The following CNOT10 variants were observed in gnomAD, a reference collection of about 807,000 sequenced individuals.
CNOT10 encodes the protein CCR4-NOT transcription complex subunit 10.
Under a neutral mutation model 94.6 loss-of-function variants are expected in CNOT10, and 30 were observed. The ratio of observed to expected loss-of-function variants is 0.32; its 90% CI spans 0.24 to 0.43. CNOT10 has a LOEUF of 0.43. Ranked by LOEUF, CNOT10 falls within the 20% of genes least tolerant of loss-of-function variation. The pLI is 1.00. For synonymous variants in CNOT10, 289 were observed against 301.6 expected (o/e 0.96, Z 0.43); for missense variants, 759 against 877.2 (o/e 0.87, Z 1.70).
At chr3:32,770,028 C>T in intron 18 of CNOT10, 66 bp downstream of exon 18, 2 of 1,247,036 alleles carry the variant, frequency 1.6e-6, no homozygotes, top group South Asian at 1.2e-5. Flanking sequence ...GGTTGGGAGA[C>T]AGGGTCTCAC....
intron 1 of CNOT10, among the ~76,000 whole-genome samples, chr3:32,702,521 CT>C (rs1697398881): frequency 6.6e-6 from 1 of 152,098 alleles, no homozygotes; most frequent in African/African-American, 2.4e-5. Flanking sequence ...ATTAAAGAAA[CT>C]TTTTAAATGT....
intron 1 of CNOT10, among the ~76,000 whole-genome samples, chr3:32,702,325 T>G (rs145402543): frequency 0.011 from 1,689 of 152,338 alleles, 13 homozygotes; most frequent in Middle Eastern, 0.024. Flanking sequence ...TAACACACTT[T>G]TGCTCTGAGT....
At chr3:32,693,956 G>A (rs903499154) in intron 1 of CNOT10, among the ~76,000 whole-genome samples, 1 of 152,058 alleles carries the variant, frequency 6.6e-6, no homozygotes, top group African/African-American at 2.4e-5. Flanking sequence ...GGACATTAGA[G>A]AGTACCTAAG....
chr3:32,700,218 C>T (rs1392476064), intron 1 of CNOT10, among the ~76,000 whole-genome samples: 2 of 152,010 alleles, frequency 1.3e-5, no homozygotes, highest in Admixed American at 6.6e-5. Context: ...TCAGGTGATC[C>T]GCCTGCCTCG....
At chr3:32,711,237 T>C (rs2125530088) in intron 4 of CNOT10, among the ~76,000 whole-genome samples, 1 of 152,304 alleles carries the variant, frequency 6.6e-6, no homozygotes, top group Non-Finnish European at 1.5e-5. Flanking sequence ...CCTCTTCAGA[T>C]ACCAAAATCT....
chr3:32,735,126 G>A (rs926708520), intron 12 of CNOT10, 150 bp downstream of exon 12: 1 of 681,228 alleles, frequency 1.5e-6, no homozygotes, highest in Non-Finnish European at 2.4e-6. Context: ...TTATGTTTCT[G>A]AGTCTTTCTG....
intron 1 of CNOT10, among the ~76,000 whole-genome samples, chr3:32,686,598 T>G (rs1696610768): frequency 6.6e-6 from 1 of 152,148 alleles, no homozygotes; most frequent in Non-Finnish European, 1.5e-5. Context: ...AGATGATATT[T>G]GAGCAGAGAT....
At chr3:32,743,134 C>T (rs887380733) in intron 13 of CNOT10, among the ~76,000 whole-genome samples, 6 of 151,874 alleles carry the variant, frequency 4.0e-5, no homozygotes, top group East Asian at 2.0e-4. Context: ...TACAGGCATA[C>T]GCCACCATGC....
rs558052882 is a variant in CNOT10, at chr3:32,752,978, C to T, written c.1596-6480C>T. On this transcript the variant is annotated intron_variant, in intron 13 of 18. Transcript: ENST00000328834. The stretch of plus-strand genomic sequence containing the variant: ...TCCAGAGCTTCTTGGATACTCTAAT[C>T]GACGAGGACCCCCAGGCGGCATTAG... 163 of 461,646 alleles carry T rather than the reference C, an allele frequency of 3.5e-4. 1 individual carries two copies. Among genetic ancestry groups the T allele is most frequent in the African/African-American group, 2.9e-3 (141 of 49,114 alleles). 28.6% of individuals were successfully genotyped at this position (461,646 alleles called of 1,614,324 possible).
At chr3:32,771,549 C>T (rs1575321296) in intron 18 of CNOT10, among the ~76,000 whole-genome samples, 2 of 151,830 alleles carry the variant, frequency 1.3e-5, no homozygotes, top group African/African-American at 4.8e-5. Flanking sequence ...TGCAGTGAGC[C>T]GAGACACACC....
intron 1 of CNOT10, among the ~76,000 whole-genome samples, chr3:32,692,429 T>C (rs80023392): frequency 0.037 from 5,605 of 152,280 alleles, 167 homozygotes; most frequent in Middle Eastern, 0.075. Context: ...TCTAACTTAT[T>C]TCTACAGGCT....
chr3:32,762,473 T>C (rs1700495636), intron 14 of CNOT10, among the ~76,000 whole-genome samples: 1 of 152,030 alleles, frequency 6.6e-6, no homozygotes, highest in Non-Finnish European at 1.5e-5. Flanking sequence ...GGTTTTGCCA[T>C]GTTGCCCACG....
chr3:32,732,947 G>A (rs867839099), intron 10 of CNOT10, among the ~76,000 whole-genome samples: 2 of 152,150 alleles, frequency 1.3e-5, no homozygotes, highest in Admixed American at 1.3e-4. Flanking sequence ...TTTTTACCAC[G>A]TACAGCTTAT....
At chr3:32,740,779 G>A (rs889298157) in intron 13 of CNOT10, among the ~76,000 whole-genome samples, 5 of 151,710 alleles carry the variant, frequency 3.3e-5, no homozygotes, top group Admixed American at 1.3e-4. Flanking sequence ...GGAGAATGGC[G>A]TGAACCTGGG....
At chr3:32,732,021 G>A (rs1424676346) in intron 10 of CNOT10, among the ~76,000 whole-genome samples, 1 of 152,138 alleles carries the variant, frequency 6.6e-6, no homozygotes, top group Non-Finnish European at 1.5e-5. Context: ...GGAGGTTGCA[G>A]TGAGCCGAGA....
rs781584103 is a variant in CNOT10 at position 32,769,915 on chromosome 3, T to C, written c.2033T>C (p.Val678Ala). The C allele has an allele frequency of 2.5e-6, 4 of 1,614,006 alleles. No individual in the cohort carries two copies. In the Admixed American group the frequency reaches 6.7e-5, roughly 27 times the overall value. The part of the protein sequence containing the change: ...QAASMIHPKE[V>A]PPEAILLAVY... ...GCTTCAATGATCCATCCTAAAGAGGTGCCCCCTGAGGCCATCTTGCTGGCA... is the reference window on the plus strand; with the variant it reads ...GCTTCAATGATCCATCCTAAAGAGGCGCCCCCTGAGGCCATCTTGCTGGCA... The change falls in exon 18 of 19, where the codon GTG becomes GCG. Residue 678 changes from valine (V) to alanine (A), a missense_variant. Around this residue, in one of 3 missense-constraint regions of CNOT10, gnomAD observed 4 missense variants for 16.8 expected, o/e 0.24. Transcript: ENST00000328834.
intron 14 of CNOT10, among the ~76,000 whole-genome samples, chr3:32,760,558 G>C (rs1454014963): frequency 6.6e-6 from 1 of 152,094 alleles, no homozygotes; most frequent in Non-Finnish European, 1.5e-5. Flanking sequence ...CTTGAGCCTG[G>C]GGGGCGGACG....
chr3:32,727,709 A>G lies in CNOT10; in HGVS notation c.1054A>G (p.Asn352Asp). ...SGRPMCTLLT[N>D]KRYELLYNCG... ...AAGACCCATGTGTACGTTACTAACC[A>G]ATAAGAGATATGAGTTGCTGTATAA... is the stretch of plus-strand genomic sequence containing the variant. The change falls in exon 10 of 19, where the codon AAT (asparagine) becomes GAT (aspartate). Residue 352 changes from asparagine (N) to aspartate (D), a missense_variant. Physicochemically the swap from Asn to Asp is conservative, Grantham distance 23. Coordinates refer to ENST00000328834, the MANE Select transcript of CNOT10 (RefSeq NM_015442.3). 1 of 1,614,104 alleles carries G rather than the reference A, an allele frequency of 6.2e-7. No homozygotes were observed. Among genetic ancestry groups the G allele is most frequent in the Non-Finnish European group, 8.5e-7 (1 of 1,179,954 alleles).
At chr3:32,742,910 TAATG>T (rs1033982210) in intron 13 of CNOT10, among the ~76,000 whole-genome samples, 1 of 152,130 alleles carries the variant, frequency 6.6e-6, no homozygotes, top group African/African-American at 2.4e-5. Context: ...AGGGAATCCT[TAATG>T]AAGAAGACAT....
Sources: gnomAD v4.1 joint callset for allele counts (sites outside exome capture counted in the v4.1 genomes callset) on GRCh38, gnomAD v4.1.1 for gene constraint, gnomAD v4.1.1 regional missense constraint, MANE v1.5 for transcripts, NCBI Gene and HGNC (gene_info 2026-07-23, HGNC 2026-07-21) for gene names.